RBBP5: variants seen among roughly 807,000 people sequenced by gnomAD.
The protein encoded by RBBP5 is retinoblastoma-binding protein 5.
RBBP5 carries 5 observed loss-of-function variants against 72.2 expected under a neutral mutation model. The observed-to-expected ratio is 0.07, with a 90% CI of 0.04 to 0.15. The LOEUF (loss-of-function observed/expected upper bound fraction) is 0.15. Among genes scored for constraint, RBBP5 ranks in the 10% least tolerant of loss-of-function variants. The pLI, the probability that RBBP5 is intolerant of heterozygous loss-of-function variation, is 1.00. For synonymous variants in RBBP5, 209 were observed against 237.2 expected (o/e 0.88, Z 1.09); for missense variants, 322 against 652.2 (o/e 0.49, Z 5.51).
intron 3 of RBBP5, among the ~76,000 whole-genome samples, chr1:205,110,896 T>C (rs1456351309): frequency 1.3e-5 from 2 of 152,066 alleles, no homozygotes; most frequent in East Asian, 3.9e-4. Context: ...AAACCCCACC[T>C]CTACTAAAAA....
rs1222469785 is a variant in RBBP5, at chr1:205,105,147, T to C, written c.240A>G (p.Lys80=). 1.2e-6 allele frequency: 2 copies of C among 1,612,428 alleles called. No individual in the cohort carries two copies. Residue 80 remains lysine (K), a synonymous_variant, in exon 4 of 14, where the codon AAA becomes AAG. Coordinates refer to ENST00000264515, the MANE Select transcript of RBBP5 (RefSeq NM_005057.4). ...TGTTATCAGTGGAAGCACTCACGAG[T>C]TTATGACCATCTCGGCTCCAGCTGA... ...CSLCWSRDGH[K]LVSASTDNIV...
At chr1:205,093,458 C>CCAAAAAAAAAAAA (rs1553352080) in intron 13 of RBBP5, among the ~76,000 whole-genome samples, 1,773 of 18,296 alleles carry the variant, frequency 0.097, 652 homozygotes, top group Non-Finnish European at 0.12. Flanking sequence ...AACTCCGTTT[C>CCAAAAAAAAAAAA]AAAAAAAAAA....
intron 3 of RBBP5, among the ~76,000 whole-genome samples, chr1:205,114,258 G>T (rs1465989927): frequency 6.6e-6 from 1 of 152,156 alleles, no homozygotes; most frequent in Non-Finnish European, 1.5e-5. Flanking sequence ...TAAAAAAAAT[G>T]CTGCCCCAAA....
chr1:205,096,412 A>T (rs1399908636), intron 12 of RBBP5, among the ~76,000 whole-genome samples: 3 of 152,184 alleles, frequency 2.0e-5, no homozygotes, highest in Non-Finnish European at 4.4e-5. Context: ...GAAACATTTA[A>T]AAGAAGAATG....
At chr1:205,105,399 A>T (rs1656016171) in intron 3 of RBBP5, among the ~76,000 whole-genome samples, 1 of 152,222 alleles carries the variant, frequency 6.6e-6, no homozygotes, top group Non-Finnish European at 1.5e-5. Flanking sequence ...TCAAGATAAA[A>T]CTATAAAGTG....
At chr1:205,101,563 C>T (rs752218502) in intron 6 of RBBP5, 37 bp downstream of exon 6, 1 of 1,493,558 alleles carries the variant, frequency 6.7e-7, no homozygotes, top group Admixed American at 1.8e-5. Context: ...TCTATTCACT[C>T]TTAAAACTGT....
chr1:205,105,883 G>A (rs752477600), intron 3 of RBBP5, among the ~76,000 whole-genome samples: 19 of 152,176 alleles, frequency 1.2e-4, no homozygotes, highest in African/African-American at 4.1e-4. Flanking sequence ...ACCAACCTAC[G>A]CCAGCCAAAC....
At position 205,086,615 on chromosome 1, in the gene RBBP5, G is replaced by A. The variant is rs1298358552; in HGVS notation, c.*2172C>T. 2 of 152,048 alleles carry A rather than the reference G, an allele frequency of 1.3e-5. No individual in the cohort carries two copies. The highest frequency in any genetic ancestry group is 4.8e-5 in the African/African-American group (2 of 41,386). The allele number at this position is 152,048 out of a possible 1,614,324, so 9.4% of individuals were successfully genotyped here. ...AGGAAGAAGAGAATATACATATATT[G>A]TACAAATCAAATAATTCAAATTGAA... On this transcript the variant is annotated 3_prime_UTR_variant, in exon 14 of 14. Transcript: ENST00000264515.
At chr1:205,092,241 C>T (rs747239603) in intron 13 of RBBP5, among the ~76,000 whole-genome samples, 3 of 152,206 alleles carry the variant, frequency 2.0e-5, no homozygotes, top group Non-Finnish European at 4.4e-5. Context: ...TCAATAAAGC[C>T]AGATGTAATC....
chr1:205,107,531 G>C (rs112220919), intron 3 of RBBP5, among the ~76,000 whole-genome samples: 3,571 of 152,266 alleles, frequency 0.023, 54 homozygotes, highest in East Asian at 0.065. Context: ...GACACTTGTT[G>C]CTAGCAGACA....
chr1:205,089,402 C>T (rs1655250972), intron 13 of RBBP5, among the ~76,000 whole-genome samples: 1 of 152,160 alleles, frequency 6.6e-6, no homozygotes, highest in African/African-American at 2.4e-5. Context: ...ATGAACACTT[C>T]CCTGATTATT....
intron 3 of RBBP5, among the ~76,000 whole-genome samples, chr1:205,108,081 A>G (rs898481296): frequency 6.6e-6 from 1 of 151,988 alleles, no homozygotes; most frequent in Non-Finnish European, 1.5e-5. Flanking sequence ...GGTCTCTACT[A>G]AAAATACAAA....
At chr1:205,098,057 C>T (rs968289895) in intron 10 of RBBP5, among the ~76,000 whole-genome samples, 4 of 152,008 alleles carry the variant, frequency 2.6e-5, no homozygotes, top group Non-Finnish European at 5.9e-5. Context: ...TCAAGGAGCT[C>T]CTATCTAGAA....
rs984456447 is a variant in RBBP5 at position 205,121,957 on chromosome 1, T to C, written c.-84A>G. On this transcript the variant is annotated 5_prime_UTR_variant, in exon 1 of 14. Coordinates refer to ENST00000264515, the MANE Select transcript of RBBP5 (RefSeq NM_005057.4). ...GCTTCAGCAACTTGCGTCTAAGTGG[T>C]GGACGCCGCGAAGAGACTGGCGCAA... 4.4e-6 allele frequency: 7 copies of C among 1,590,666 alleles called. No individual in the cohort carries two copies. The Admixed American group carries it at 6.8e-5, about 15-fold the overall frequency.
At chr1:205,108,908 A>G (rs1346298381) in intron 3 of RBBP5, among the ~76,000 whole-genome samples, 1 of 152,236 alleles carries the variant, frequency 6.6e-6, no homozygotes, top group African/African-American at 2.4e-5. Context: ...GGCTTGGCAC[A>G]TAATAAGTAC....
rs546933709 is a variant in RBBP5, at chr1:205,105,073, C to T, written c.314G>A (p.Arg105Gln). The T allele has an allele frequency of 6.2e-7, 1 of 1,613,924 alleles. No individual in the cohort carries two copies. The highest frequency in any genetic ancestry group is 8.5e-7 in the Non-Finnish European group (1 of 1,179,988). Reference protein sequence around the residue: ...VLSGDCDQRFRFPSPILKVQY... With the variant: ...VLSGDCDQRFQFPSPILKVQY... Reference sequence around the variant, plus strand: ...GACTTTTAAGATGGGTGAAGGGAATCGAAACCTCTGGTCACAGTCGCCTGA... The same window carrying T: ...GACTTTTAAGATGGGTGAAGGGAATTGAAACCTCTGGTCACAGTCGCCTGA... Residue 105 changes from arginine (R) to glutamine (Q), a missense_variant, in exon 4 of 14, where the codon CGA becomes CAA. Physicochemically the swap from Arg to Gln is conservative, Grantham distance 43. Transcript: ENST00000264515.
At chr1:205,108,288 G>A (rs141163035) in intron 3 of RBBP5, among the ~76,000 whole-genome samples, 9 of 151,944 alleles carry the variant, frequency 5.9e-5, no homozygotes, top group Non-Finnish European at 8.8e-5. Context: ...TTTGATGTTT[G>A]AAACACACAT....
At position 205,108,238 on chromosome 1, in the gene RBBP5, G is replaced by A. The variant is rs541664975; in HGVS notation, c.219-3070C>T. On this transcript the variant is annotated intron_variant, in intron 3 of 13. Coordinates refer to ENST00000264515, the MANE Select transcript of RBBP5 (RefSeq NM_005057.4). ...AGCCTGGGTGACAGAGCATGAATCCGTCTCAAAAAAAAAAAAAATTACTTT... is the reference window on the plus strand; with the variant it reads ...AGCCTGGGTGACAGAGCATGAATCCATCTCAAAAAAAAAAAAAATTACTTT... 1.3e-3 allele frequency among the ~76,000 whole-genome samples: 160 copies of A among 127,460 alleles called. 1 individual carries two copies. Among genetic ancestry groups the A allele is most frequent in the African/African-American group, 4.3e-3 (149 of 34,936 alleles). The allele number at this position is 127,460 out of a possible 152,430, so 83.6% of individuals were successfully genotyped here.
At chr1:205,097,780 C>T (rs1655672417) in intron 10 of RBBP5, among the ~76,000 whole-genome samples, 1 of 152,192 alleles carries the variant, frequency 6.6e-6, no homozygotes, top group Non-Finnish European at 1.5e-5. Flanking sequence ...TTCTACTTCC[C>T]TGGAGGTCCT....
Sources: gnomAD v4.1 joint callset for allele counts (sites outside exome capture counted in the v4.1 genomes callset) on GRCh38, gnomAD v4.1.1 for gene constraint, MANE v1.5 for transcripts, NCBI Gene and HGNC (gene_info 2026-07-23, HGNC 2026-07-21) for gene names.